MAGI2: variants seen among roughly 807,000 people sequenced by gnomAD.
The protein encoded by MAGI2 is membrane-associated guanylate kinase, WW and PDZ domain-containing protein 2.
MAGI2 carries 35 observed loss-of-function variants against 133.3 expected under a neutral mutation model. That is an observed-to-expected ratio of 0.26 (90% confidence interval 0.20 to 0.35). MAGI2 has a LOEUF of 0.35. Ranked by LOEUF, MAGI2 falls within the 10% of genes least tolerant of loss-of-function variation. The pLI, the probability that MAGI2 is intolerant of heterozygous loss-of-function variation, is 1.00. For synonymous variants in MAGI2, 729 were observed against 710.6 expected (o/e 1.03, Z -0.41); for missense variants, 1,636 against 1,863.4 (o/e 0.88, Z 2.25).
chr7:78,849,571 G>C (rs117668655), intron 2 of MAGI2, among the ~76,000 whole-genome samples: 2,881 of 152,142 alleles, frequency 0.019, 37 homozygotes, highest in Non-Finnish European at 0.03. Flanking sequence ...TAGAGTGAAA[G>C]GCAGCAGGGC....
intron 6 of MAGI2, among the ~76,000 whole-genome samples, chr7:78,399,003 C>T (rs1796608825): frequency 2.0e-5 from 3 of 152,192 alleles, no homozygotes; most frequent in African/African-American, 7.2e-5. Flanking sequence ...CCAGGCAATA[C>T]TTTCCAGTTA....
At chr7:78,596,522 A>G (rs559605806) in intron 3 of MAGI2, among the ~76,000 whole-genome samples, 1 of 152,288 alleles carries the variant, frequency 6.6e-6, no homozygotes, top group African/African-American at 2.4e-5. Context: ...GTTAGTAATG[A>G]GTAAAACTAG....
At chr7:78,154,665 C>T (rs1584173998) in intron 16 of MAGI2, among the ~76,000 whole-genome samples, 1 of 152,214 alleles carries the variant, frequency 6.6e-6, no homozygotes, top group East Asian at 1.9e-4. Flanking sequence ...TCCGGCATAA[C>T]CTCCTGACAA....
chr7:79,263,291 A>C (rs1834208803), intron 1 of MAGI2, among the ~76,000 whole-genome samples: 1 of 152,078 alleles, frequency 6.6e-6, no homozygotes, highest in South Asian at 2.1e-4. Context: ...TTCAACCCTC[A>C]CAAGAGCCCT....
chr7:78,114,296 T>C (rs887703998), intron 20 of MAGI2, among the ~76,000 whole-genome samples: 3 of 152,158 alleles, frequency 2.0e-5, no homozygotes, highest in African/African-American at 2.4e-5. Flanking sequence ...ATGAAGTAGA[T>C]GTAAATCATG....
intron 9 of MAGI2, among the ~76,000 whole-genome samples, chr7:78,328,999 C>T (rs1562832143): frequency 6.6e-6 from 1 of 152,096 alleles, no homozygotes; most frequent in Non-Finnish European, 1.5e-5. Context: ...ATTTCATATA[C>T]GTAGTAGAAT....
intron 1 of MAGI2, among the ~76,000 whole-genome samples, chr7:79,245,199 C>T (rs1295171141): frequency 6.6e-6 from 1 of 151,968 alleles, no homozygotes; most frequent in Admixed American, 6.5e-5. Context: ...TGACATATTC[C>T]CAGCTATGGT....
intron 1 of MAGI2, among the ~76,000 whole-genome samples, chr7:79,436,066 C>A (rs140349352): frequency 6.6e-6 from 1 of 151,906 alleles, no homozygotes; most frequent in South Asian, 2.1e-4. Flanking sequence ...GCTATCCATA[C>A]GTGATAGAAT....
intron 1 of MAGI2, among the ~76,000 whole-genome samples, chr7:79,138,545 A>G (rs1267678904): frequency 6.6e-6 from 1 of 152,186 alleles, no homozygotes; most frequent in Non-Finnish European, 1.5e-5. Flanking sequence ...TGTTTGAACA[A>G]TGGCTTTCTA....
At chr7:78,229,668 A>G (rs1789758695) in intron 10 of MAGI2, among the ~76,000 whole-genome samples, 1 of 152,176 alleles carries the variant, frequency 6.6e-6, no homozygotes, top group African/African-American at 2.4e-5. Context: ...GGCCTTTTAC[A>G]GTAATATTTG....
intron 2 of MAGI2, among the ~76,000 whole-genome samples, chr7:78,865,768 T>C (rs1794506063): frequency 6.6e-6 from 1 of 152,176 alleles, no homozygotes; most frequent in African/African-American, 2.4e-5. Flanking sequence ...GCCAATTCTT[T>C]TCAAATTCTT....
At chr7:78,952,780 A>G (rs542344607) in intron 2 of MAGI2, among the ~76,000 whole-genome samples, 2 of 152,178 alleles carry the variant, frequency 1.3e-5, no homozygotes, top group Non-Finnish European at 2.9e-5. Context: ...GTTTCCTTAC[A>G]TGGTTTGCAA....
intron 21 of MAGI2, among the ~76,000 whole-genome samples, chr7:78,073,747 A>G (rs146018989): frequency 2.0e-5 from 3 of 152,350 alleles, no homozygotes; most frequent in Non-Finnish European, 4.4e-5. Flanking sequence ...ATTTCAAGGC[A>G]GGGAGCTAAT....
At chr7:78,792,052 T>C (rs1311492131) in intron 2 of MAGI2, among the ~76,000 whole-genome samples, 1 of 152,186 alleles carries the variant, frequency 6.6e-6, no homozygotes, top group Non-Finnish European at 1.5e-5. Flanking sequence ...CTGAATTTCT[T>C]TATATATGGT....
intron 2 of MAGI2, among the ~76,000 whole-genome samples, chr7:78,933,320 A>G (rs1232617477): frequency 2.6e-5 from 4 of 152,164 alleles, no homozygotes; most frequent in Admixed American, 2.0e-4. Context: ...GAGTAAATAT[A>G]AAAACAGTTT....
At chr7:79,403,434 CT>C (rs921748144) in intron 1 of MAGI2, among the ~76,000 whole-genome samples, 14 of 150,486 alleles carry the variant, frequency 9.3e-5, no homozygotes, top group African/African-American at 2.2e-4. Flanking sequence ...ACCTTTCTTG[CT>C]TTTTTTTTAA....
At chr7:78,570,794 T>A (rs1801422443) in intron 3 of MAGI2, among the ~76,000 whole-genome samples, 1 of 152,182 alleles carries the variant, frequency 6.6e-6, no homozygotes, top group Non-Finnish European at 1.5e-5. Context: ...TATATTTCTG[T>A]GCTTCTTTGT....
At chr7:78,058,542 G>A (rs1324890636) in intron 21 of MAGI2, among the ~76,000 whole-genome samples, 2 of 150,722 alleles carry the variant, frequency 1.3e-5, no homozygotes, top group African/African-American at 4.9e-5. Flanking sequence ...CGTGATCTCG[G>A]CTCACTGCAA....
chr7:78,863,600 C>A (rs1161488352), intron 2 of MAGI2, among the ~76,000 whole-genome samples: 1 of 152,216 alleles, frequency 6.6e-6, no homozygotes, highest in Non-Finnish European at 1.5e-5. Context: ...CAGTGGGGAC[C>A]AAATTTCAAC....
Sources: gnomAD v4.1 joint callset for allele counts (sites outside exome capture counted in the v4.1 genomes callset) on GRCh38, gnomAD v4.1.1 for gene constraint, MANE v1.5 for transcripts, NCBI Gene and HGNC (gene_info 2026-07-23, HGNC 2026-07-21) for gene names.